The following SH3RF3 variants were observed in gnomAD, a reference collection of about 807,000 sequenced individuals.
The protein encoded by SH3RF3 is E3 ubiquitin-protein ligase SH3RF3.
A neutral mutation model predicts 66.3 loss-of-function variants in SH3RF3; 29 were observed. That is an observed-to-expected ratio of 0.44 (90% CI 0.33 to 0.60). The LOEUF (loss-of-function observed/expected upper bound fraction) is 0.60. SH3RF3 is among the 20% of genes least tolerant of loss of function. SH3RF3 has a pLI of 0.04. For missense variants in SH3RF3, 1,194 were observed against 1,190.9 expected, an observed-to-expected ratio of 1.00 and a Z score of -0.04; for synonymous variants, 583 against 532.0, an observed-to-expected ratio of 1.10 and a Z score of -1.32.
intron 1 of SH3RF3, among the ~76,000 whole-genome samples, chr2:109,198,577 A>G (rs1678562077): frequency 6.6e-6 from 1 of 152,178 alleles, no homozygotes. Flanking sequence ...GGAGGTGGGA[A>G]GTTCAAGGTC....
chr2:109,257,209 G>A (rs560912044), intron 1 of SH3RF3, among the ~76,000 whole-genome samples: 21 of 152,182 alleles, frequency 1.4e-4, no homozygotes, highest in African/African-American at 1.9e-4. Context: ...TGGACATGAC[G>A]GTAAGTCCTT....
intron 1 of SH3RF3, among the ~76,000 whole-genome samples, chr2:109,200,579 G>A (rs1175546981): frequency 1.3e-5 from 2 of 152,250 alleles, no homozygotes; most frequent in Non-Finnish European, 2.9e-5. Flanking sequence ...TCTAGGCACC[G>A]CCGACCTTTT....
chr2:109,449,721 C>T (rs1677811675), intron 8 of SH3RF3, among the ~76,000 whole-genome samples: 1 of 152,234 alleles, frequency 6.6e-6, no homozygotes, highest in Admixed American at 6.5e-5. Context: ...AGTCCAGCTA[C>T]ATTTCTCATG....
chr2:109,205,535 A>T (rs1312183441), intron 1 of SH3RF3, among the ~76,000 whole-genome samples: 4 of 152,310 alleles, frequency 2.6e-5, no homozygotes, highest in South Asian at 2.1e-4. Context: ...CAGGTGAACC[A>T]CTGTGCCCCG....
chr2:109,501,901 C>A lies in SH3RF3; in HGVS notation c.*230C>A, dbSNP rs1172984723. 7 of 504,666 alleles carry A rather than the reference C, an allele frequency of 1.4e-5. No homozygotes were observed. The South Asian group carries it at 1.9e-4, about 14-fold the overall frequency. 31.3% of individuals were successfully genotyped at this position (504,666 alleles called of 1,614,324 possible). ...ATGTTCTTCAAGGAAATGCCCACCC[C>A]CTCTGTGGAAACTGCAAAGAAAGCA... is the stretch of plus-strand genomic sequence containing the variant. On this transcript the variant is annotated 3_prime_UTR_variant, in exon 10 of 10. Coordinates refer to ENST00000309415, the MANE Select transcript of SH3RF3 (RefSeq NM_001099289.3).
intron 1 of SH3RF3, among the ~76,000 whole-genome samples, chr2:109,342,987 C>T (rs1682592243): frequency 6.6e-6 from 1 of 152,092 alleles, no homozygotes; most frequent in Non-Finnish European, 1.5e-5. Context: ...ATAATGGCGG[C>T]TTAGTGACAA....
chr2:109,278,160 G>T (rs918211046), intron 1 of SH3RF3, among the ~76,000 whole-genome samples: 7 of 150,458 alleles, frequency 4.7e-5, no homozygotes, highest in African/African-American at 1.7e-4. Context: ...CTGAGTGATA[G>T]AGCAAGACCC....
intron 4 of SH3RF3, among the ~76,000 whole-genome samples, chr2:109,399,547 G>A (rs376204628): frequency 3.1e-4 from 47 of 152,050 alleles, no homozygotes; most frequent in East Asian, 2.1e-3. Context: ...AGGCCGAGGC[G>A]GGAGGATTGC....
At chr2:109,444,043 A>G (rs780352086) in intron 7 of SH3RF3, among the ~76,000 whole-genome samples, 2 of 152,232 alleles carry the variant, frequency 1.3e-5, no homozygotes, top group Non-Finnish European at 2.9e-5. Flanking sequence ...CATGGAAACT[A>G]CATTCCCTGA....
chr2:109,387,802 C>G (rs1361509451), intron 3 of SH3RF3, among the ~76,000 whole-genome samples: 1 of 152,212 alleles, frequency 6.6e-6, no homozygotes, highest in Admixed American at 6.5e-5. Context: ...GAGCCCCTGG[C>G]CTGCAGTAGG....
intron 4 of SH3RF3, among the ~76,000 whole-genome samples, chr2:109,414,173 G>T (rs1297763963): frequency 6.6e-6 from 1 of 152,290 alleles, no homozygotes; most frequent in African/African-American, 2.4e-5. Context: ...CCTCCTCACT[G>T]TCTCCCAGGC....
intron 1 of SH3RF3, among the ~76,000 whole-genome samples, chr2:109,176,290 A>G (rs1677912411): frequency 6.6e-6 from 1 of 152,270 alleles, no homozygotes; most frequent in South Asian, 2.1e-4. Flanking sequence ...GAGGAAGCCA[A>G]TTAATTGAAA....
intron 1 of SH3RF3, among the ~76,000 whole-genome samples, chr2:109,283,620 G>A (rs1559000588): frequency 6.6e-6 from 1 of 152,224 alleles, no homozygotes; most frequent in Non-Finnish European, 1.5e-5. Flanking sequence ...GGAGAGCGCT[G>A]CAGGGAGCTG....
intron 1 of SH3RF3, among the ~76,000 whole-genome samples, chr2:109,218,133 TCC>T (rs1488505883): frequency 1.4e-5 from 2 of 144,562 alleles, no homozygotes. Context: ...AAAACCATTG[TCC>T]TCTCCTTTTC....
At chr2:109,480,539 CAG>C (rs988975019) in intron 8 of SH3RF3, among the ~76,000 whole-genome samples, 42 of 152,268 alleles carry the variant, frequency 2.8e-4, no homozygotes, top group African/African-American at 8.4e-4. Context: ...ATTAGTGTCT[CAG>C]GGGGCAGCCA....
At chr2:109,399,022 T>G in intron 4 of SH3RF3, 79 bp downstream of exon 4, 6 of 1,399,580 alleles carry the variant, frequency 4.3e-6, no homozygotes, top group Non-Finnish European at 5.8e-6. Flanking sequence ...GTGTCCCCCG[T>G]TCCTCAACTA....
At chr2:109,403,656 C>T (rs1676374153) in intron 4 of SH3RF3, among the ~76,000 whole-genome samples, 1 of 152,218 alleles carries the variant, frequency 6.6e-6, no homozygotes, top group South Asian at 2.1e-4. Flanking sequence ...TAGGCTGAGG[C>T]CAGGCTCAAT....
chr2:109,282,536 A>G (rs1254011059), intron 1 of SH3RF3, among the ~76,000 whole-genome samples: 4 of 152,088 alleles, frequency 2.6e-5, no homozygotes, highest in Non-Finnish European at 5.9e-5. Context: ...GAGGGGTGGT[A>G]CTGCCCTGTG....
intron 3 of SH3RF3, among the ~76,000 whole-genome samples, chr2:109,373,733 A>C (rs1472534217): frequency 6.6e-6 from 1 of 152,174 alleles, no homozygotes; most frequent in Non-Finnish European, 1.5e-5. Context: ...ATGCTGCTGT[A>C]AAATGGTGTC....
Sources: gnomAD v4.1 joint callset for allele counts (sites outside exome capture counted in the v4.1 genomes callset) on GRCh38, gnomAD v4.1.1 for gene constraint, MANE v1.5 for transcripts, NCBI Gene and HGNC (gene_info 2026-07-23, HGNC 2026-07-21) for gene names.